The following MACROD2 variants were observed in gnomAD, a reference collection of about 807,000 sequenced individuals.
MACROD2 encodes the protein ADP-ribose glycohydrolase MACROD2.
Under a neutral mutation model 70.4 loss-of-function variants are expected in MACROD2, and 36 were observed. The ratio of observed to expected loss-of-function variants is 0.51; its 90% CI spans 0.39 to 0.68. The LOEUF (loss-of-function observed/expected upper bound fraction) is 0.68. Among genes scored for constraint, MACROD2 ranks in the 30% least tolerant of loss-of-function variants. The pLI, the probability that MACROD2 is intolerant of heterozygous loss-of-function variation, is 0.00. For synonymous variants in MACROD2, 172 were observed against 178.8 expected (o/e 0.96, Z 0.30); for missense variants, 496 against 538.4 (o/e 0.92, Z 0.78).
intron 3 of MACROD2, among the ~76,000 whole-genome samples, chr20:14,452,002 G>T (rs2084250949): frequency 6.6e-6 from 1 of 152,072 alleles, no homozygotes; most frequent in African/African-American, 2.4e-5. Context: ...AGAAAGTTTA[G>T]TACCTCTTGA....
chr20:15,550,049 G>T (rs1001214838), intron 8 of MACROD2, among the ~76,000 whole-genome samples: 2 of 151,918 alleles, frequency 1.3e-5, no homozygotes, highest in Non-Finnish European at 1.5e-5. Context: ...GATTTCCCCA[G>T]TTGACCCAAT....
intron 5 of MACROD2, among the ~76,000 whole-genome samples, chr20:14,979,536 G>A (rs1490385540): frequency 6.6e-6 from 1 of 152,182 alleles, no homozygotes; most frequent in Non-Finnish European, 1.5e-5. Context: ...AAAGAGCAAA[G>A]TTTAAATTGC....
chr20:15,002,137 G>C (rs967826092), intron 5 of MACROD2, among the ~76,000 whole-genome samples: 1 of 152,136 alleles, frequency 6.6e-6, no homozygotes, highest in Non-Finnish European at 1.5e-5. Flanking sequence ...CCCAGTAGTG[G>C]GATTACTGGA....
intron 13 of MACROD2, among the ~76,000 whole-genome samples, chr20:15,968,812 T>C (rs1396859267): frequency 9.3e-6 from 1 of 107,942 alleles, no homozygotes; most frequent in African/African-American, 5.3e-5. Flanking sequence ...TATATATATA[T>C]ATATATATAT....
At chr20:15,151,905 G>T (rs1456533182) in intron 5 of MACROD2, among the ~76,000 whole-genome samples, 1 of 151,612 alleles carries the variant, frequency 6.6e-6, no homozygotes, top group Non-Finnish European at 1.5e-5. Flanking sequence ...TCTGCCTGGC[G>T]AGGAGGGGAG....
At chr20:14,690,889 G>C (rs984666272) in intron 5 of MACROD2, among the ~76,000 whole-genome samples, 1 of 152,110 alleles carries the variant, frequency 6.6e-6, no homozygotes, top group Non-Finnish European at 1.5e-5. Flanking sequence ...GCCAGCCCCT[G>C]GTCTGTGGCA....
intron 4 of MACROD2, among the ~76,000 whole-genome samples, chr20:14,654,406 TA>T (rs1051317586): frequency 2.6e-5 from 4 of 151,266 alleles, no homozygotes; most frequent in African/African-American, 9.7e-5. Context: ...ATTAGCCGGG[TA>T]TGGTGGTGGG....
intron 3 of MACROD2, among the ~76,000 whole-genome samples, chr20:14,341,152 T>G (rs1371426942): frequency 1.3e-5 from 2 of 152,344 alleles, no homozygotes; most frequent in East Asian, 3.9e-4. Flanking sequence ...TCATTCATCA[T>G]ATACATATTT....
chr20:14,905,997 T>A (rs2073954258), intron 5 of MACROD2: 1 of 152,140 alleles, frequency 6.6e-6, no homozygotes, highest in African/African-American at 2.4e-5. Flanking sequence ...TTTGTTTTTG[T>A]TTTTTGTTCT....
At chr20:14,181,753 G>A (rs1165236132) in intron 3 of MACROD2, among the ~76,000 whole-genome samples, 1 of 151,952 alleles carries the variant, frequency 6.6e-6, no homozygotes, top group South Asian at 2.1e-4. Flanking sequence ...GTGACCTTTC[G>A]TGTCTGGCTT....
chr20:15,578,257 T>G (rs2048475619), intron 8 of MACROD2, among the ~76,000 whole-genome samples: 1 of 152,310 alleles, frequency 6.6e-6, no homozygotes, highest in Non-Finnish European at 1.5e-5. Flanking sequence ...CTTGGCCTTA[T>G]TTACATTTGT....
intron 5 of MACROD2, among the ~76,000 whole-genome samples, chr20:15,053,049 A>G (rs1254354814): frequency 6.6e-6 from 1 of 152,204 alleles, no homozygotes; most frequent in Non-Finnish European, 1.5e-5. Context: ...AGTTCTGTGA[A>G]GTTTGAGAAA....
chr20:14,595,553 A>C (rs1484268214), intron 4 of MACROD2, among the ~76,000 whole-genome samples: 2 of 152,202 alleles, frequency 1.3e-5, no homozygotes, highest in East Asian at 3.9e-4. Context: ...GTGACTATAT[A>C]AAATTTCTTT....
intron 16 of MACROD2, among the ~76,000 whole-genome samples, chr20:16,042,817 C>T (rs955789410): frequency 2.6e-4 from 40 of 152,158 alleles, no homozygotes; most frequent in African/African-American, 9.4e-4. Context: ...ATTAGAAACT[C>T]AGGGCAGTTT....
At chr20:14,746,974 T>G (rs2071807683) in intron 5 of MACROD2, among the ~76,000 whole-genome samples, 1 of 152,200 alleles carries the variant, frequency 6.6e-6, no homozygotes, top group Non-Finnish European at 1.5e-5. Flanking sequence ...ATTTGGAACT[T>G]AGAGGTAGTT....
chr20:14,117,834 G>A (rs2054534359), intron 3 of MACROD2, among the ~76,000 whole-genome samples: 1 of 152,140 alleles, frequency 6.6e-6, no homozygotes, highest in South Asian at 2.1e-4. Context: ...AGCAGGCAAA[G>A]TTCTAAGATG....
intron 8 of MACROD2, among the ~76,000 whole-genome samples, chr20:15,535,789 T>TATCC (rs1466832517): frequency 7.2e-5 from 11 of 152,130 alleles, no homozygotes; most frequent in Admixed American, 7.2e-4. Context: ...GCATTCCAAA[T>TATCC]AAGTTCATAC....
chr20:15,832,062 G>A (rs1237663873), intron 8 of MACROD2, among the ~76,000 whole-genome samples: 4 of 152,066 alleles, frequency 2.6e-5, no homozygotes, highest in East Asian at 1.9e-4. Context: ...GTTCTTTGTC[G>A]GACCTGCATG....
At chr20:14,468,517 G>T (rs59499839) in intron 3 of MACROD2, among the ~76,000 whole-genome samples, 20 of 96,996 alleles carry the variant, frequency 2.1e-4, no homozygotes, top group East Asian at 1.5e-3. Context: ...GTCTTTTTTT[G>T]GGGGGGGGCG....
Sources: gnomAD v4.1 joint callset for allele counts (sites outside exome capture counted in the v4.1 genomes callset) on GRCh38, gnomAD v4.1.1 for gene constraint, MANE v1.5 for transcripts, NCBI Gene and HGNC (gene_info 2026-07-23, HGNC 2026-07-21) for gene names.